MAD2L2: variants seen among roughly 807,000 people sequenced by gnomAD.
MAD2L2 encodes the protein mitotic arrest deficient 2 like 2.
MAD2L2 carries 17 observed loss-of-function variants against 30.5 expected under a neutral mutation model. The observed-to-expected ratio is 0.56, with a 90% CI of 0.38 to 0.84. The LOEUF is 0.84. Among genes scored for constraint, MAD2L2 ranks in the 40% least tolerant of loss-of-function variants. MAD2L2 has a pLI of 0.00. For synonymous variants in MAD2L2, 101 were observed against 113.9 expected (o/e 0.89, Z 0.72); for missense variants, 213 against 277.4 (o/e 0.77, Z 1.65).
chr1:11,675,833 G>C (rs1273936524), intron 6 of MAD2L2, 102 bp from the exon 7 acceptor site: 1 of 1,052,404 alleles, frequency 9.5e-7, no homozygotes, highest in Non-Finnish European at 1.5e-6. Flanking sequence ...AGCACCCCCA[G>C]AGCAGATGGC....
At chr1:11,685,821 G>A (rs549076011), upstream of MAD2L2, among the ~76,000 whole-genome samples, 4 of 152,188 alleles carry the variant, frequency 2.6e-5, no homozygotes, top group East Asian at 1.9e-4. Flanking sequence ...GCATGGTGGC[G>A]TGCACCTGTA....
At position 11,674,990 on chromosome 1, in the gene MAD2L2, C is replaced by T; in HGVS notation, c.594+92G>A. 7.6e-7 allele frequency: 1 copy of T among 1,309,486 alleles called. No homozygotes were observed. The highest frequency in any genetic ancestry group is 1.1e-6 in the Non-Finnish European group (1 of 930,210). 81.1% of individuals were successfully genotyped at this position (1,309,486 alleles called of 1,614,324 possible). On this transcript the variant is annotated intron_variant, in intron 8 of 8. Transcript: ENST00000376692. This position sits in a 1 kb window ranked among gnomAD's most constrained non-coding sequence, Gnocchi z 6.1. ...CCTCCACCAGGCACTCCCCCGTTCT[C>T]TCCCGCAAGCCCTCTAGTAAGGCCT...
At chr1:11,676,985 C>A (rs760891195) in intron 4 of MAD2L2, 37 bp from the exon 5 acceptor site, 7 of 1,495,442 alleles carry the variant, frequency 4.7e-6, no homozygotes, top group South Asian at 1.1e-5. Flanking sequence ...GAGCCAGGCA[C>A]CCCACCCCGA....
intron 6 of MAD2L2, 79 bp downstream of exon 6, chr1:11,675,967 A>G (rs768348660): frequency 6.4e-6 from 8 of 1,254,846 alleles, no homozygotes; most frequent in Non-Finnish European, 7.0e-6. Context: ...AGAACAGCCA[A>G]ACATGGACCT....
intron 5 of MAD2L2, 47 bp downstream of exon 5, chr1:11,676,801 A>G: frequency 6.8e-7 from 1 of 1,475,546 alleles, no homozygotes; most frequent in Non-Finnish European, 9.5e-7. Context: ...GTGTTGCCAG[A>G]GACACACCTG....
chr1:11,674,607 G>T lies in MAD2L2; in HGVS notation c.*168C>A, dbSNP rs1046551322. On this transcript the variant is annotated 3_prime_UTR_variant, in exon 9 of 9. Transcript: ENST00000376692. The surrounding 1 kb of genome is among the most constrained non-coding windows in gnomAD (Gnocchi z 6.1). ...TTGCGGCATCCCTCACTGCCCTCCT[G>T]GGGGAGGCATCCTCCAAGCAGACCT... 1.5e-6 allele frequency: 1 copy of T among 654,054 alleles called. No homozygotes were observed. Among genetic ancestry groups the T allele is most frequent in the African/African-American group, 1.8e-5 (1 of 54,906 alleles). The allele number at this position is 654,054 out of a possible 1,614,324, so 40.5% of individuals were successfully genotyped here.
rs1570286384 is a variant in MAD2L2 at position 11,677,523 on chromosome 1, G to A, written c.231+20C>T. On this transcript the variant is annotated intron_variant, in intron 4 of 8. Coordinates refer to ENST00000376692, the MANE Select transcript of MAD2L2 (RefSeq NM_006341.4). ...GGTGAGCATGGGGTGAGATGGCTGG[G>A]GAGCCCAGTGCACCCTCACCTTCTC... The A allele has an allele frequency of 1.2e-6, 2 of 1,612,408 alleles. No homozygotes were observed. The highest frequency in any genetic ancestry group is 1.7e-6 in the Non-Finnish European group (2 of 1,178,648).
chr1:11,674,563 G>A lies in MAD2L2; in HGVS notation c.*212C>T. 1.7e-6 allele frequency: 1 copy of A among 575,476 alleles called. No homozygotes were observed. The highest frequency in any genetic ancestry group is 2.9e-5 in the East Asian group (1 of 34,036). 35.6% of individuals were successfully genotyped at this position (575,476 alleles called of 1,614,324 possible). On this transcript the variant is annotated 3_prime_UTR_variant, in exon 9 of 9. Transcript: ENST00000376692. This position sits in a 1 kb window ranked among gnomAD's most constrained non-coding sequence, Gnocchi z 6.1. ...GACAGTGTTGGCCGGCGGAACCCCA[G>A]GAGGCTGAGAAGTCGAGGTTGCGGC...
rs991278295 is a variant in MAD2L2 at position 11,674,720 on chromosome 1, C to T, written c.*55G>A. On this transcript the variant is annotated 3_prime_UTR_variant, in exon 9 of 9. Transcript: ENST00000376692. The surrounding 1 kb of genome is among the most constrained non-coding windows in gnomAD (Gnocchi z 6.1). Reference sequence around the variant, plus strand: ...GGCAGCCATGCAGCACTGCCCTAGGCGGGGATCCCCCAAAGTCTGACAGTT... The same window carrying T: ...GGCAGCCATGCAGCACTGCCCTAGGTGGGGATCCCCCAAAGTCTGACAGTT... 33 of 1,584,122 alleles carry T rather than the reference C, an allele frequency of 2.1e-5. No homozygotes were observed. The highest frequency in any genetic ancestry group is 6.7e-5 in the African/African-American group (5 of 74,404).
chr1:11,683,903 G>A (rs143073821), upstream of MAD2L2, among the ~76,000 whole-genome samples: 1,712 of 152,250 alleles, frequency 0.011, 35 homozygotes, highest in African/African-American at 0.039. Context: ...CCCGGGAGGC[G>A]GAGGTTGTGG....
At chr1:11,681,653 C>T (rs1049710951), upstream of MAD2L2, 2 of 152,260 alleles carry the variant, frequency 1.3e-5, no homozygotes, top group African/African-American at 4.8e-5. Flanking sequence ...CCTGCTCCGC[C>T]CCCACCGGGT....
chr1:11,680,644 T>C, intron 1 of MAD2L2, 31 bp from the exon 2 acceptor site: 1 of 1,520,816 alleles, frequency 6.6e-7, no homozygotes, highest in Admixed American at 2.1e-5. Context: ...AGAGGGTAGT[T>C]CCAGAGACCC....
At chr1:11,677,378 T>A (rs2100708574) in intron 4 of MAD2L2, 165 bp downstream of exon 4, 1 of 694,496 alleles carries the variant, frequency 1.4e-6, no homozygotes, top group Admixed American at 2.8e-5. Context: ...GGCCTGCCCC[T>A]GGGTTGGGAT....
chr1:11,682,819 T>C (rs1263611561), upstream of MAD2L2, among the ~76,000 whole-genome samples: 1 of 152,108 alleles, frequency 6.6e-6, no homozygotes, highest in African/African-American at 2.4e-5. Flanking sequence ...TCCAAAGGGA[T>C]GGATGATTTT....
rs1175981337 is a variant in MAD2L2, at chr1:11,687,822, AAT to A, written c.-692+3589_-692+3590del. Among the ~76,000 whole-genome samples, 1 of 152,160 alleles carries A rather than the reference AAT, an allele frequency of 6.6e-6. No individual in the cohort carries two copies. Among genetic ancestry groups the A allele is most frequent in the Non-Finnish European group, 1.5e-5 (1 of 68,026 alleles). ...ATACTTCATTCCTTCGTAGAACCAA[AAT>A]ACTCCCGTGTATGGATAGACCACAT... is the stretch of plus-strand genomic sequence containing the variant. On this transcript the variant is annotated intron_variant, in intron 1 of 10. Transcript: ENST00000235310. This position sits in a 1 kb window ranked among gnomAD's most constrained non-coding sequence, Gnocchi z 4.1.
chr1:11,690,238 A>G lies in MAD2L2; in HGVS notation c.-692+1175T>C, dbSNP rs1471774261. Among the ~76,000 whole-genome samples, 1 of 152,002 alleles carries G rather than the reference A, an allele frequency of 6.6e-6. No homozygotes were observed. Among genetic ancestry groups the G allele is most frequent in the Non-Finnish European group, 1.5e-5 (1 of 68,010 alleles). On this transcript the variant is annotated intron_variant, in intron 1 of 10. Transcript: ENST00000235310. This position sits in a 1 kb window ranked among gnomAD's most constrained non-coding sequence, Gnocchi z 4.2. ...TCTTGTCCATGTTGTTTACTACTGT[A>G]CCTCCGGTGCCGGCACATAGTAGGT... is the stretch of plus-strand genomic sequence containing the variant.
chr1:11,689,610 G>A (rs900521655), intron 1 of MAD2L2, among the ~76,000 whole-genome samples: 1 of 152,158 alleles, frequency 6.6e-6, no homozygotes, highest in Non-Finnish European at 1.5e-5. Flanking sequence ...AAAAACAAAA[G>A]GCGGGGGGAG....
At chr1:11,685,259 C>T (rs1640939262), upstream of MAD2L2, among the ~76,000 whole-genome samples, 1 of 152,050 alleles carries the variant, frequency 6.6e-6, no homozygotes, top group Admixed American at 6.6e-5. Context: ...AAATGTGTGT[C>T]AAATGAGTGA....
intron 1 of MAD2L2, among the ~76,000 whole-genome samples, chr1:11,689,158 A>C (rs1042885618): frequency 6.6e-6 from 1 of 152,194 alleles, no homozygotes. Context: ...TTAGCTGAGC[A>C]TGGCGGTGTG....
Sources: gnomAD v4.1 joint callset for allele counts (sites outside exome capture counted in the v4.1 genomes callset) on GRCh38, gnomAD v4.1.1 for gene constraint, Gnocchi (gnomAD v3.1) non-coding constraint, MANE v1.5 for transcripts, NCBI Gene and HGNC (gene_info 2026-07-23, HGNC 2026-07-21) for gene names.